The following ZNF529 variants were observed in gnomAD, a reference collection of about 807,000 sequenced individuals.
ZNF529 encodes zinc finger protein 529.
In ZNF529, 11 loss-of-function variants were observed where a neutral mutation model predicts 10.1. That is an observed-to-expected ratio of 1.09 (90% CI 0.69 to 1.81). ZNF529 has a LOEUF of 1.81. Ranked by LOEUF, ZNF529 falls within the 40% of genes most tolerant of loss-of-function variation. The pLI, the probability that ZNF529 is intolerant of heterozygous loss-of-function variation, is 0.00. For missense variants in ZNF529, 624 were observed against 666.8 expected, an observed-to-expected ratio of 0.94 and a Z score of 0.71; for synonymous variants, 204 against 215.7, an observed-to-expected ratio of 0.95 and a Z score of 0.47.
At position 36,573,153 on chromosome 19, in the gene ZNF529, A is replaced by G; in HGVS notation, c.-60T>C. 3.3e-6 allele frequency: 1 copy of G among 301,434 alleles called. No homozygotes were observed. The highest frequency in any genetic ancestry group is 6.8e-6 in the Non-Finnish European group (1 of 147,222). 18.7% of individuals were successfully genotyped at this position (301,434 alleles called of 1,614,324 possible). A position where few individuals can be genotyped will look rare whatever the true frequency, so the allele number is the denominator to read the frequency against. ...AATAGCACTAACCACCATCGTCCGC[A>G]GCTCCCGCGTACAGAGGCCTCAGGC... On this transcript the variant is annotated 5_prime_UTR_variant, in exon 1 of 5. Transcript: ENST00000591340.
chr19:36,588,740 G>A (rs1240666879), intron 2 of ZNF529, among the ~76,000 whole-genome samples: 1 of 152,118 alleles, frequency 6.6e-6, no homozygotes, highest in Non-Finnish European at 1.5e-5. Flanking sequence ...AGTGGGGAGA[G>A]AAGAGAAACT....
At chr19:36,554,132 T>A (rs1485312400) in intron 4 of ZNF529, among the ~76,000 whole-genome samples, 1 of 152,180 alleles carries the variant, frequency 6.6e-6, no homozygotes, top group East Asian at 1.9e-4. Context: ...ATAAGTCAAA[T>A]CCAGCTCCTT....
rs2035397624 is a variant in ZNF529, at chr19:36,554,715, A to C, written c.190T>G (p.Tyr64Asp). The C allele has an allele frequency of 6.3e-7, 1 of 1,576,850 alleles. No individual in the cohort carries two copies. The highest frequency in any genetic ancestry group is 2.3e-5 in the East Asian group (1 of 43,356). The change falls in exon 4 of 5, where the codon TAC (tyrosine) becomes GAC (aspartate). Residue 64 changes from tyrosine to aspartate, a missense_variant. Coordinates refer to ENST00000591340, the MANE Select transcript of ZNF529 (RefSeq NM_020951.5). ...TAGTTCTCCATCATCACATCCCAGT[A>C]CAAGTTCCTCTGAGCAGAATCCAGA... Reference protein sequence around the residue: ...EYLDSAQRNLYWDVMMENYSN... With the variant: ...EYLDSAQRNLDWDVMMENYSN...
chr19:36,566,514 C>T (rs1286847770), intron 2 of ZNF529, among the ~76,000 whole-genome samples: 1 of 146,082 alleles, frequency 6.8e-6, no homozygotes, highest in Non-Finnish European at 1.5e-5. Flanking sequence ...ATGGTGAAAC[C>T]TTGTCTCTAC....
chr19:36,549,889 ATATAAT>A (rs149527008), intron 4 of ZNF529, among the ~76,000 whole-genome samples: 2,010 of 152,310 alleles, frequency 0.013, 47 homozygotes, highest in African/African-American at 0.045. Context: ...TAATATCTGA[ATATAAT>A]TATAACTACT....
chr19:36,554,405 T>G (rs753656071), intron 4 of ZNF529, among the ~76,000 whole-genome samples: 1 of 152,096 alleles, frequency 6.6e-6, no homozygotes, highest in East Asian at 1.9e-4. Flanking sequence ...GGTGAAACCC[T>G]GTCTCTACTA....
chr19:36,555,325 C>T lies in ZNF529; in HGVS notation c.109-529G>A, dbSNP rs1347732580. Among the ~76,000 whole-genome samples, 2 of 24,858 alleles carry T rather than the reference C, an allele frequency of 8.0e-5. 1 individual carries two copies. Among genetic ancestry groups the T allele is most frequent in the African/African-American group, 7.4e-4 (2 of 2,688 alleles). The allele number at this position is 24,858 out of a possible 152,430, so 16.3% of individuals were successfully genotyped here. On this transcript the variant is annotated intron_variant, in intron 3 of 4. Coordinates refer to ENST00000591340, the MANE Select transcript of ZNF529 (RefSeq NM_020951.5). ...TTTTTGAGACGGAGTCTCGCTCTGT[C>T]GCCCAGGCCGGACTGCGGACTGCAG...
At chr19:36,598,862 C>T (rs1194088404) in intron 1 of ZNF529, among the ~76,000 whole-genome samples, 1 of 152,206 alleles carries the variant, frequency 6.6e-6, no homozygotes, top group African/African-American at 2.4e-5. Context: ...AAAGTGTCTT[C>T]TGTCCTTAAC....
chr19:36,605,105 A>C (rs1373402462), intron 1 of ZNF529: 2 of 152,432 alleles, frequency 1.3e-5, no homozygotes, highest in Non-Finnish European at 2.9e-5. Context: ...TCGCATCCAG[A>C]CCCGGGTCAC....
Position 36,573,148 on chromosome 19 carries a change from T to A in ZNF529, c.-55A>T, listed in dbSNP as rs3108596. ...TAAACAATAGCACTAACCACCATCG[T>A]CCGCAGCTCCCGCGTACAGAGGCCT... On this transcript the variant is annotated 5_prime_UTR_variant, in exon 1 of 5. Coordinates refer to ENST00000591340, the MANE Select transcript of ZNF529 (RefSeq NM_020951.5). 0.34 allele frequency: 102,226 copies of A among 297,306 alleles called. 18,593 individuals are homozygous for A. Among genetic ancestry groups the A allele is most frequent in the South Asian group, 0.41 (14,644 of 35,382 alleles). 18.4% of individuals were successfully genotyped at this position (297,306 alleles called of 1,614,324 possible).
At chr19:36,555,713 C>T (rs891399362) in intron 3 of ZNF529, among the ~76,000 whole-genome samples, 1 of 152,146 alleles carries the variant, frequency 6.6e-6, no homozygotes, top group African/African-American at 2.4e-5. Context: ...TCCAATGCTG[C>T]GTCTACAATC....
chr19:36,569,601 C>T (rs576116058), intron 2 of ZNF529, among the ~76,000 whole-genome samples: 3 of 150,050 alleles, frequency 2.0e-5, no homozygotes, highest in Non-Finnish European at 3.0e-5. Flanking sequence ...CCTGTCTCTA[C>T]TAAAAAAAAA....
chr19:36,553,134 C>CT (rs1020572936), intron 4 of ZNF529, among the ~76,000 whole-genome samples: 6 of 151,838 alleles, frequency 4.0e-5, no homozygotes, highest in African/African-American at 1.5e-4. Context: ...TAAACAAGTC[C>CT]TTTTTTTATG....
intron 2 of ZNF529, among the ~76,000 whole-genome samples, chr19:36,568,552 A>C (rs945185049): frequency 2.0e-5 from 3 of 151,130 alleles, no homozygotes; most frequent in Non-Finnish European, 4.4e-5. Flanking sequence ...GCTCACTGCA[A>C]CCTCTGCCTC....
At chr19:36,555,086 C>T (rs1431037819) in intron 3 of ZNF529, among the ~76,000 whole-genome samples, 1 of 152,176 alleles carries the variant, frequency 6.6e-6, no homozygotes, top group Non-Finnish European at 1.5e-5. Flanking sequence ...TATATACAAG[C>T]ACATTTCATG....
intron 2 of ZNF529, among the ~76,000 whole-genome samples, chr19:36,558,756 C>T (rs923757437): frequency 1.1e-4 from 17 of 151,496 alleles, no homozygotes; most frequent in Admixed American, 8.6e-4. Context: ...CCAAAAGCAC[C>T]GGAAACAAAA....
In ZNF529 at chr19:36,548,195, A is replaced by G; in HGVS notation, c.363T>C (p.Asn121=). ...LCGLEGSIFR[N]DWQSKSKIDL... is the part of the protein sequence containing the mutation. ...CAATCTTGCTTTTGCTTTGCCAGTC[A>G]TTTCTGAAAATGGAACCTTCAAGGC... Residue 121 remains asparagine (N), a synonymous_variant, in exon 5 of 5, where the codon AAT becomes AAC. Coordinates refer to ENST00000591340, the MANE Select transcript of ZNF529 (RefSeq NM_020951.5). 1 of 1,613,878 alleles carries G rather than the reference A, an allele frequency of 6.2e-7. No homozygotes were observed. The highest frequency in any genetic ancestry group is 8.5e-7 in the Non-Finnish European group (1 of 1,179,860).
At chr19:36,575,910 G>A (rs538354791), upstream of ZNF529, among the ~76,000 whole-genome samples, 3 of 152,008 alleles carry the variant, frequency 2.0e-5, no homozygotes, top group African/African-American at 4.8e-5. Flanking sequence ...GTGCAATGGC[G>A]TCGTCTTGGC....
intron 1 of ZNF529, among the ~76,000 whole-genome samples, chr19:36,601,359 C>T (rs1221340995): frequency 6.6e-6 from 1 of 151,966 alleles, no homozygotes; most frequent in Non-Finnish European, 1.5e-5. Context: ...CTGCCTCGGC[C>T]TCCCAAAGTG....
Sources: gnomAD v4.1 joint callset for allele counts (sites outside exome capture counted in the v4.1 genomes callset) on GRCh38, gnomAD v4.1.1 for gene constraint, MANE v1.5 for transcripts, NCBI Gene and HGNC (gene_info 2026-07-23, HGNC 2026-07-21) for gene names.